The following DOCK4 variants were observed in gnomAD, a reference collection of about 807,000 sequenced individuals.
DOCK4 encodes dedicator of cytokinesis protein 4.
DOCK4 carries 97 observed loss-of-function variants against 268.1 expected under a neutral mutation model. The observed-to-expected ratio is 0.36, with a 90% CI of 0.31 to 0.43. The LOEUF is 0.43. Ranked by LOEUF, DOCK4 falls within the 20% of genes least tolerant of loss-of-function variation. The probability of loss-of-function intolerance (pLI) is 1.00; values close to 1 mark genes in which losing one functional copy is unlikely to be tolerated. For synonymous variants in DOCK4, 954 were observed against 887.2 expected (o/e 1.08, Z -1.34); for missense variants, 2,145 against 2,455.7 (o/e 0.87, Z 2.67).
chr7:112,139,930 A>AT (rs1259929452), intron 1 of DOCK4, among the ~76,000 whole-genome samples: 1 of 152,216 alleles, frequency 6.6e-6, no homozygotes, highest in East Asian at 1.9e-4. Flanking sequence ...CAAGCTAAAA[A>AT]TTTTTGCCAA....
At chr7:111,972,877 T>C (rs1797835561) in intron 8 of DOCK4, among the ~76,000 whole-genome samples, 2 of 151,834 alleles carry the variant, frequency 1.3e-5, no homozygotes, top group South Asian at 2.1e-4. Flanking sequence ...TTCTGAGATT[T>C]TGGTGCACCC....
intron 26 of DOCK4, among the ~76,000 whole-genome samples, chr7:111,829,740 T>A (rs183571230): frequency 1.3e-5 from 2 of 152,322 alleles, no homozygotes; most frequent in East Asian, 3.9e-4. Context: ...CAGTGCCTGA[T>A]ACATACTAAA....
chr7:112,008,862 C>T (rs1286895571), intron 1 of DOCK4, among the ~76,000 whole-genome samples: 3 of 152,078 alleles, frequency 2.0e-5, no homozygotes, highest in East Asian at 1.9e-4. Context: ...GGCGTGGTGG[C>T]GGGTGCCTGT....
At chr7:111,843,199 G>A (rs977331372) in intron 25 of DOCK4, among the ~76,000 whole-genome samples, 9 of 151,944 alleles carry the variant, frequency 5.9e-5, no homozygotes, top group African/African-American at 2.2e-4. Context: ...TAAGATACAG[G>A]GCTAGGCAAA....
intron 1 of DOCK4, among the ~76,000 whole-genome samples, chr7:112,100,476 C>T (rs1485089589): frequency 2.0e-5 from 3 of 152,250 alleles, no homozygotes; most frequent in Non-Finnish European, 4.4e-5. Flanking sequence ...GAAAAGACCC[C>T]GTCCTTCCCT....
Position 112,206,325 on chromosome 7 carries a change from C to G in DOCK4, c.-187G>C, listed in dbSNP as rs1821406593. The G allele has an allele frequency of 1.6e-6, 1 of 627,938 alleles. No individual in the cohort carries two copies. The highest frequency in any genetic ancestry group is 3.1e-5 in the Admixed American group (1 of 32,486). The allele number at this position is 627,938 out of a possible 1,614,324, so 38.9% of individuals were successfully genotyped here. ...AGCGTTGACACTGCGCCGCCCGCAG[C>G]TCTCCCGGCGGCGGCTGCTCACAGT... On this transcript the variant is annotated 5_prime_UTR_variant, in exon 1 of 53. Transcript: ENST00000428084.
Position 111,727,982 on chromosome 7 carries a change from A to T in DOCK4, c.*292T>A. ...AATATCGTATTGGTTTTAAGATTAA[A>T]CTATATAAAAAAAAGTGAACATAAA... On this transcript the variant is annotated 3_prime_UTR_variant, in exon 53 of 53. Coordinates refer to ENST00000428084, the MANE Select transcript of DOCK4 (RefSeq NM_001363540.2). 6.3e-6 allele frequency: 2 copies of T among 315,686 alleles called. No homozygotes were observed. Among genetic ancestry groups the T allele is most frequent in the Non-Finnish European group, 1.1e-5 (2 of 174,998 alleles). The allele number at this position is 315,686 out of a possible 1,614,324, so 19.6% of individuals were successfully genotyped here. A position where few individuals can be genotyped will look rare whatever the true frequency, so the allele number is the denominator to read the frequency against.
intron 11 of DOCK4, among the ~76,000 whole-genome samples, 162 bp from the exon 12 acceptor site, chr7:111,935,790 A>G (rs1354511395): frequency 1.3e-5 from 2 of 152,208 alleles, no homozygotes; most frequent in African/African-American, 4.8e-5. Context: ...TGGTTGTCCC[A>G]GGATGAGCAA....
chr7:112,084,307 TC>T (rs1272600225), intron 1 of DOCK4, among the ~76,000 whole-genome samples: 2 of 152,210 alleles, frequency 1.3e-5, no homozygotes, highest in Admixed American at 1.3e-4. Flanking sequence ...TTAAATTGCT[TC>T]CGCTTAAAAC....
At chr7:112,105,750 G>A (rs1192705693) in intron 1 of DOCK4, among the ~76,000 whole-genome samples, 5 of 146,538 alleles carry the variant, frequency 3.4e-5, no homozygotes, top group South Asian at 2.1e-4. Context: ...GTGCAGTGAT[G>A]CAATTACAGC....
At chr7:111,790,382 T>G in intron 31 of DOCK4, 75 bp downstream of exon 31, 1 of 1,545,712 alleles carries the variant, frequency 6.5e-7, no homozygotes, top group Middle Eastern at 1.8e-4. Context: ...CAAGTTGGAG[T>G]TGAATCCAGA....
At chr7:111,736,895 C>T in intron 50 of DOCK4, 22 bp downstream of exon 50, 1 of 1,585,222 alleles carries the variant, frequency 6.3e-7, no homozygotes, top group African/African-American at 1.3e-5. Context: ...CATTCCAGGA[C>T]TGACCATGGG....
chr7:111,783,557 C>T (rs1459091999), intron 34 of DOCK4, among the ~76,000 whole-genome samples: 1 of 150,620 alleles, frequency 6.6e-6, no homozygotes, highest in African/African-American at 2.5e-5. Context: ...AGTCTAAATA[C>T]CAAAATAAAG....
intron 8 of DOCK4, among the ~76,000 whole-genome samples, chr7:111,957,797 G>C (rs562554640): frequency 2.3e-4 from 35 of 152,106 alleles, no homozygotes; most frequent in Middle Eastern, 3.2e-3. Flanking sequence ...AATTCCACAA[G>C]AACAGTGTGA....
chr7:111,991,733 G>A (rs1308770261), intron 5 of DOCK4, among the ~76,000 whole-genome samples: 1 of 151,800 alleles, frequency 6.6e-6, no homozygotes, highest in African/African-American at 2.4e-5. Flanking sequence ...AGGCCGAAGT[G>A]GGCGGATCAT....
At chr7:111,901,266 G>A (rs2134419285) in intron 14 of DOCK4, among the ~76,000 whole-genome samples, 1 of 149,894 alleles carries the variant, frequency 6.7e-6, no homozygotes, top group Non-Finnish European at 1.5e-5. Flanking sequence ...CCTGGAAGAG[G>A]GAGGTTGCAA....
intron 23 of DOCK4, among the ~76,000 whole-genome samples, chr7:111,856,078 C>T (rs773313752): frequency 1.3e-5 from 2 of 152,196 alleles, no homozygotes; most frequent in Non-Finnish European, 2.9e-5. Context: ...GCAATTCCCA[C>T]TACCTTGCAA....
At chr7:111,772,818 C>CA (rs1563483546) in intron 36 of DOCK4, among the ~76,000 whole-genome samples, 3 of 151,830 alleles carry the variant, frequency 2.0e-5, no homozygotes, top group African/African-American at 4.8e-5. Flanking sequence ...CAAAACCCCC[C>CA]AAAAAACAAA....
At chr7:112,120,072 C>T (rs1812593556) in intron 1 of DOCK4, among the ~76,000 whole-genome samples, 1 of 152,154 alleles carries the variant, frequency 6.6e-6, no homozygotes, top group South Asian at 2.1e-4. Flanking sequence ...TGGTCTCGAT[C>T]TCCTGACCTA....
Sources: allele counts gnomAD v4.1 joint callset (sites outside exome capture counted in the v4.1 genomes callset), GRCh38; gene constraint gnomAD v4.1.1; transcripts MANE v1.5; gene names NCBI Gene and HGNC (gene_info 2026-07-23, HGNC 2026-07-21).